PIBF1: variants seen among roughly 807,000 people sequenced by gnomAD.
PIBF1 encodes the protein progesterone-induced-blocking factor 1.
In PIBF1, 90 loss-of-function variants were observed where a neutral mutation model predicts 112.5. The ratio of observed to expected loss-of-function variants is 0.80; its 90% CI spans 0.67 to 0.95. The LOEUF (loss-of-function observed/expected upper bound fraction) is 0.95. PIBF1 is among the 40% of genes least tolerant of loss of function. The probability of loss-of-function intolerance (pLI) is 0.00; values close to 1 mark genes in which losing one functional copy is unlikely to be tolerated. For synonymous variants in PIBF1, 301 were observed against 288.6 expected (o/e 1.04, Z -0.44); for missense variants, 915 against 852.3 (o/e 1.07, Z -0.92).
chr13:72,925,036 C>T (rs539938664), intron 13 of PIBF1, among the ~76,000 whole-genome samples: 8 of 151,986 alleles, frequency 5.3e-5, no homozygotes, highest in African/African-American at 1.4e-4. Context: ...ATTTGTGAGA[C>T]GTTAAGTAGA....
intron 2 of PIBF1, among the ~76,000 whole-genome samples, chr13:72,789,716 A>G (rs1214376584): frequency 1.3e-5 from 2 of 151,778 alleles, no homozygotes; most frequent in Non-Finnish European, 2.9e-5. Flanking sequence ...GAAATATTTC[A>G]GATTTTTGAT....
At chr13:73,001,648 G>C (rs2043874730) in intron 17 of PIBF1, among the ~76,000 whole-genome samples, 1 of 75,954 alleles carries the variant, frequency 1.3e-5, no homozygotes, top group Admixed American at 1.9e-4. Context: ...TGGAGATGGA[G>C]TCTCTCACTC....
At chr13:72,882,167 A>G (rs961513907) in intron 10 of PIBF1, among the ~76,000 whole-genome samples, 2 of 152,184 alleles carry the variant, frequency 1.3e-5, no homozygotes, top group Non-Finnish European at 2.9e-5. Flanking sequence ...TTTTTGAGAA[A>G]GCTGCCAACA....
rs1555296164 is a variant in PIBF1 at position 72,844,756 on chromosome 13, C to CACACACACACGGATGAAGTCTTACTGTTT, written c.1224-9291_1224-9290insGGATGAAGTCTTACTGTTTACACACACAC. Among the ~76,000 whole-genome samples the CACACACACACGGATGAAGTCTTACTGTTT allele has an allele frequency of 3.3e-3, 379 of 115,218 alleles. 11 individuals are homozygous for CACACACACACGGATGAAGTCTTACTGTTT. The highest frequency in any genetic ancestry group is 5.5e-3 in the Admixed American group (64 of 11,660). 75.6% of individuals were successfully genotyped at this position (115,218 alleles called of 152,430 possible). On this transcript the variant is annotated intron_variant, in intron 9 of 17. Coordinates refer to ENST00000326291, the MANE Select transcript of PIBF1 (RefSeq NM_006346.4). ...ACACACACACACACACACACACACA[C>CACACACACACGGATGAAGTCTTACTGTTT]ACACACACACACACACACACACACA...
intron 12 of PIBF1, among the ~76,000 whole-genome samples, chr13:72,910,480 G>A (rs764755382): frequency 4.6e-5 from 7 of 152,074 alleles, no homozygotes; most frequent in Non-Finnish European, 1.0e-4. Context: ...GGAATAGAAG[G>A]GAACTTCCTC....
intron 16 of PIBF1, among the ~76,000 whole-genome samples, chr13:72,976,912 A>G (rs1429796915): frequency 6.6e-6 from 1 of 152,166 alleles, no homozygotes; most frequent in East Asian, 1.9e-4. Flanking sequence ...GAGGCAAGCA[A>G]GGCATCTAGG....
intron 16 of PIBF1, among the ~76,000 whole-genome samples, chr13:72,998,045 G>C (rs1374096812): frequency 6.6e-6 from 1 of 152,144 alleles, no homozygotes; most frequent in African/African-American, 2.4e-5. Flanking sequence ...AAAAGGATAA[G>C]GGATAATACA....
chr13:72,926,657 A>G (rs539009328), intron 13 of PIBF1, among the ~76,000 whole-genome samples: 13 of 152,258 alleles, frequency 8.5e-5, no homozygotes, highest in Non-Finnish European at 1.3e-4. Flanking sequence ...TCTAGCTTCA[A>G]CCCTCACCAT....
intron 6 of PIBF1, among the ~76,000 whole-genome samples, chr13:72,822,243 C>T (rs922904081): frequency 2.0e-5 from 3 of 151,746 alleles, no homozygotes; most frequent in African/African-American, 7.3e-5. Context: ...AATATTTTTT[C>T]AGTGTTATTT....
intron 17 of PIBF1, among the ~76,000 whole-genome samples, chr13:73,002,439 T>G (rs888217065): frequency 3.9e-5 from 6 of 152,128 alleles, no homozygotes; most frequent in Non-Finnish European, 8.8e-5. Flanking sequence ...TGCTATCCCT[T>G]TTTTCCCAGC....
chr13:72,954,157 C>T (rs1394111003), intron 14 of PIBF1, among the ~76,000 whole-genome samples: 3 of 152,122 alleles, frequency 2.0e-5, no homozygotes, highest in Admixed American at 2.0e-4. Flanking sequence ...CAGTAAGGCC[C>T]ACTCAGCTCC....
At chr13:72,998,722 T>G in intron 16 of PIBF1, 100 bp from the exon 17 acceptor site, 1 of 744,922 alleles carries the variant, frequency 1.3e-6, no homozygotes. Flanking sequence ...GTGTGTAGTA[T>G]AATTGTTTCT....
At chr13:72,889,569 A>G (rs1338055843) in intron 10 of PIBF1, among the ~76,000 whole-genome samples, 1 of 152,198 alleles carries the variant, frequency 6.6e-6, no homozygotes. Context: ...ACTGAATACT[A>G]AAAATCCTTC....
intron 13 of PIBF1, among the ~76,000 whole-genome samples, chr13:72,918,704 A>T (rs2041185930): frequency 1.8e-5 from 2 of 112,214 alleles, no homozygotes; most frequent in South Asian, 6.6e-4. Flanking sequence ...TAGCAACTAC[A>T]TCTTTTTTTT....
chr13:72,898,565 G>A (rs562552080), intron 11 of PIBF1, among the ~76,000 whole-genome samples: 40 of 151,910 alleles, frequency 2.6e-4, no homozygotes, highest in Non-Finnish European at 4.3e-4. Context: ...GGCCAGGCAC[G>A]GTGGCTCACG....
intron 6 of PIBF1, among the ~76,000 whole-genome samples, chr13:72,826,594 A>G (rs1195770825): frequency 1.3e-5 from 2 of 152,120 alleles, no homozygotes; most frequent in Admixed American, 6.6e-5. Context: ...ATGCCTGCCT[A>G]CGTATCTACT....
chr13:72,969,696 C>T (rs940049471), intron 15 of PIBF1: 6 of 152,136 alleles, frequency 3.9e-5, no homozygotes, highest in Non-Finnish European at 5.9e-5. Context: ...CATTTCAAAT[C>T]CTAGAGTGGA....
At chr13:72,955,834 C>T (rs2042430473) in intron 14 of PIBF1, among the ~76,000 whole-genome samples, 1 of 152,114 alleles carries the variant, frequency 6.6e-6, no homozygotes, top group Non-Finnish European at 1.5e-5. Flanking sequence ...CTCATAAAGC[C>T]CTTCCATATT....
intron 14 of PIBF1, among the ~76,000 whole-genome samples, chr13:72,963,513 G>A (rs545169805): frequency 1.3e-5 from 2 of 152,136 alleles, no homozygotes; most frequent in Non-Finnish European, 2.9e-5. Flanking sequence ...AGAATTTCTT[G>A]AATCCAGGAG....
Sources: allele counts gnomAD v4.1 joint callset (sites outside exome capture counted in the v4.1 genomes callset), GRCh38; gene constraint gnomAD v4.1.1; transcripts MANE v1.5; gene names NCBI Gene and HGNC (gene_info 2026-07-23, HGNC 2026-07-21).